The following DCAF7 variants were observed in gnomAD, a reference collection of about 807,000 sequenced individuals.
DCAF7 encodes DDB1- and CUL4-associated factor 7.
A neutral mutation model predicts 41.2 loss-of-function variants in DCAF7; 4 were observed. The observed-to-expected ratio is 0.10, with a 90% CI of 0.05 to 0.22. DCAF7 has a LOEUF of 0.22. DCAF7 is among the 10% of genes least tolerant of loss of function. The pLI is 1.00. For synonymous variants in DCAF7, 143 were observed against 164.2 expected, an observed-to-expected ratio of 0.87 and a Z score of 0.99; for missense variants, 131 against 443.2, an observed-to-expected ratio of 0.30 and a Z score of 6.32.
intron 1 of DCAF7, chr17:63,552,312 C>G (rs1315386142): frequency 6.6e-6 from 1 of 151,930 alleles, no homozygotes; most frequent in Non-Finnish European, 1.5e-5. Context: ...ATTTGTTTCT[C>G]TAGAGTAGGT....
intron 1 of DCAF7, chr17:63,573,156 G>A (rs967761178): frequency 5.3e-5 from 8 of 152,178 alleles, no homozygotes; most frequent in Admixed American, 5.2e-4. Flanking sequence ...CATAATAGGT[G>A]TATCTATTTT....
chr17:63,571,756 G>A (rs1426307114), intron 1 of DCAF7, among the ~76,000 whole-genome samples: 3 of 151,892 alleles, frequency 2.0e-5, no homozygotes, highest in Admixed American at 2.0e-4. Flanking sequence ...TCTCTCTTAG[G>A]TTAGGTACTA....
At chr17:63,585,999 C>T (rs1428391964) in intron 6 of DCAF7, among the ~76,000 whole-genome samples, 1 of 151,820 alleles carries the variant, frequency 6.6e-6, no homozygotes, top group Admixed American at 6.6e-5. Context: ...GTGGCACGCA[C>T]CTGTAGTCCA....
chr17:63,559,577 G>A (rs1025883984), intron 1 of DCAF7, among the ~76,000 whole-genome samples: 1 of 151,238 alleles, frequency 6.6e-6, no homozygotes, highest in African/African-American at 2.4e-5. Flanking sequence ...TGAGGCGGGT[G>A]GATCGCCTAA....
At chr17:63,564,998 C>T (rs2033425620) in intron 1 of DCAF7, among the ~76,000 whole-genome samples, 1 of 152,220 alleles carries the variant, frequency 6.6e-6, no homozygotes, top group South Asian at 2.1e-4. Flanking sequence ...GAGTTGGGCT[C>T]AGTGGCTCAT....
intron 1 of DCAF7, among the ~76,000 whole-genome samples, chr17:63,560,318 T>TAC: frequency 6.6e-6 from 1 of 152,098 alleles, no homozygotes; most frequent in East Asian, 1.9e-4. Flanking sequence ...CCTACAGCTA[T>TAC]ACTCATGTGG....
rs187536942 is a variant in DCAF7 at position 63,575,567 on chromosome 17, G to T, written c.139-2903G>T. 7.0e-4 allele frequency among the ~76,000 whole-genome samples: 106 copies of T among 152,180 alleles called. 1 individual carries two copies. Among genetic ancestry groups the T allele is most frequent in the African/African-American group, 2.3e-3 (94 of 41,506 alleles). On this transcript the variant is annotated intron_variant, in intron 1 of 6. Transcript: ENST00000614556. ...ATACAAAAATTGCCTGGGCGTGGTG[G>T]TGCGCACCTGTAGTCCCAGCTAAGG...
chr17:63,562,240 T>A (rs2033390292), intron 1 of DCAF7, among the ~76,000 whole-genome samples: 1 of 152,162 alleles, frequency 6.6e-6, no homozygotes, highest in Admixed American at 6.5e-5. Flanking sequence ...CAGTTGTTCA[T>A]CTAGCAGAAA....
intron 6 of DCAF7, among the ~76,000 whole-genome samples, chr17:63,588,632 T>C (rs2033702795): frequency 6.6e-6 from 1 of 152,208 alleles, no homozygotes; most frequent in Non-Finnish European, 1.5e-5. Flanking sequence ...ATGATCTTTG[T>C]AACCACTCAA....
At chr17:63,581,855 G>A (rs2033625764) in intron 4 of DCAF7, among the ~76,000 whole-genome samples, 1 of 152,190 alleles carries the variant, frequency 6.6e-6, no homozygotes, top group African/African-American at 2.4e-5. Flanking sequence ...TGTTTGGAAG[G>A]CTCTCATTGA....
At chr17:63,578,385 A>G in intron 1 of DCAF7, 85 bp from the exon 2 acceptor site, 5 of 1,571,988 alleles carry the variant, frequency 3.2e-6, no homozygotes, top group Non-Finnish European at 4.3e-6. Flanking sequence ...ACAAACAAAA[A>G]AAACCTCTGT....
At chr17:63,564,902 G>A (rs1157086461) in intron 1 of DCAF7, among the ~76,000 whole-genome samples, 3 of 152,240 alleles carry the variant, frequency 2.0e-5, no homozygotes, top group Non-Finnish European at 2.9e-5. Context: ...GGGCATAGGC[G>A]GAAATGTGGT....
chr17:63,570,233 T>C (rs1281291464), intron 1 of DCAF7, among the ~76,000 whole-genome samples: 1 of 151,862 alleles, frequency 6.6e-6, no homozygotes. Flanking sequence ...GCAGGCAGAT[T>C]GCTTGAGCTC....
rs1242153710 is a variant in DCAF7 at position 63,585,337 on chromosome 17, G to A, written c.856+9G>A. ...CCACATCTGCACTGCAGGTAATCAT[G>A]GTGGGGAGAAAGAAATCTGGGAAGG... On this transcript the variant is annotated intron_variant, in intron 6 of 6. Transcript: ENST00000614556. The A allele has an allele frequency of 6.2e-7, 1 of 1,609,026 alleles. No individual in the cohort carries two copies. Among genetic ancestry groups the A allele is most frequent in the Non-Finnish European group, 8.5e-7 (1 of 1,175,490 alleles).
At position 63,550,962 on chromosome 17, in the gene DCAF7, G is replaced by A; in HGVS notation, c.138+147G>A. Reference sequence around the variant, plus strand: ...TCCTCTGTCTGGCCCTGTGCTGAAGGTTTCGTACTCGTTGTCTGTCTCCTT... The same window carrying A: ...TCCTCTGTCTGGCCCTGTGCTGAAGATTTCGTACTCGTTGTCTGTCTCCTT... On this transcript the variant is annotated intron_variant, in intron 1 of 6. Coordinates refer to ENST00000614556, the MANE Select transcript of DCAF7 (RefSeq NM_005828.5). The surrounding 1 kb of genome is among the most constrained non-coding windows in gnomAD (Gnocchi z 4.8). 1 of 1,317,366 alleles carries A rather than the reference G, an allele frequency of 7.6e-7. No homozygotes were observed. Among genetic ancestry groups the A allele is most frequent in the Non-Finnish European group, 1.0e-6 (1 of 988,872 alleles). 81.6% of individuals were successfully genotyped at this position (1,317,366 alleles called of 1,614,324 possible).
At chr17:63,578,884 G>A (rs1286364723) in intron 2 of DCAF7, among the ~76,000 whole-genome samples, 1 of 152,238 alleles carries the variant, frequency 6.6e-6, no homozygotes, top group African/African-American at 2.4e-5. Flanking sequence ...GGCCTTCAGT[G>A]GAGGTGGGAA....
rs556992423 is a variant in DCAF7, at chr17:63,558,576, C to T, written c.138+7761C>T. Among the ~76,000 whole-genome samples the T allele has an allele frequency of 3.9e-5, 6 of 152,186 alleles. No individual in the cohort carries two copies. In the East Asian group the frequency reaches 7.7e-4, roughly 20 times the overall value. ...TTCTGGAGACAGGGTCTCGCTCTGT[C>T]GCCCAGGCTAGAGTGCAGTAGTGTG... On this transcript the variant is annotated intron_variant, in intron 1 of 6. Transcript: ENST00000614556.
chr17:63,575,516 A>C (rs944283709), intron 1 of DCAF7, among the ~76,000 whole-genome samples: 1 of 152,180 alleles, frequency 6.6e-6, no homozygotes, highest in African/African-American at 2.4e-5. Flanking sequence ...CCTAGCCGAC[A>C]TGGCAAAACC....
rs955643364 is a variant in DCAF7 at position 63,590,520 on chromosome 17, T to C, written c.*1348T>C. 5 of 152,738 alleles carry C rather than the reference T, an allele frequency of 3.3e-5. No individual in the cohort carries two copies. The highest frequency in any genetic ancestry group is 4.8e-5 in the African/African-American group (2 of 41,456). 9.5% of individuals were successfully genotyped at this position (152,738 alleles called of 1,614,324 possible). On this transcript the variant is annotated 3_prime_UTR_variant, in exon 7 of 7. Transcript: ENST00000614556. Reference sequence around the variant, plus strand: ...GTTTAGGTTCTGAGCAGTATTGGACTTGTAGCCTGCAGTTGTCTTTTGACT... The same window carrying C: ...GTTTAGGTTCTGAGCAGTATTGGACCTGTAGCCTGCAGTTGTCTTTTGACT...
Sources: allele counts gnomAD v4.1 joint callset (sites outside exome capture counted in the v4.1 genomes callset), GRCh38; gene constraint gnomAD v4.1.1; non-coding constraint Gnocchi (gnomAD v3.1); transcripts MANE v1.5; gene names NCBI Gene and HGNC (gene_info 2026-07-23, HGNC 2026-07-21).